Variants in ARHGEF37 observed in about 807,000 individuals in gnomAD.
ARHGEF37 encodes the protein Rho guanine nucleotide exchange factor (GEF) 37.
A neutral mutation model predicts 71.1 loss-of-function variants in ARHGEF37; 55 were observed. The observed-to-expected ratio is 0.77, with a 90% CI of 0.62 to 0.97. The LOEUF (loss-of-function observed/expected upper bound fraction) is 0.97, where lower values mean the gene tolerates loss of function less well. Among genes scored for constraint, ARHGEF37 ranks in the 50% least tolerant of loss-of-function variants. ARHGEF37 has a pLI of 0.00. For missense variants in ARHGEF37, 765 were observed against 836.8 expected (o/e 0.91, Z 1.06); for synonymous variants, 327 against 350.6 (o/e 0.93, Z 0.75).
Position 149,581,555 on chromosome 5 carries a change from C to T in ARHGEF37, c.-81C>T, listed in dbSNP as rs537591636. On this transcript the variant is annotated 5_prime_UTR_variant, in exon 1 of 13. Coordinates refer to ENST00000333677, the MANE Select transcript of ARHGEF37 (RefSeq NM_001001669.3). ...GGAGCTGGGCGACGCGCCCCTCCTG[C>T]CCCGGCTGCGCTGTTGCCCGGGCGG... 601 of 152,176 alleles carry T rather than the reference C, an allele frequency of 3.9e-3. 8 individuals carry two copies. The highest frequency in any genetic ancestry group is 0.013 in the African/African-American group (559 of 41,574). The allele number at this position is 152,176 out of a possible 1,614,324, so 9.4% of individuals were successfully genotyped here. A position where few individuals can be genotyped will look rare whatever the true frequency, so the allele number is the denominator to read the frequency against.
intron 8 of ARHGEF37, among the ~76,000 whole-genome samples, chr5:149,621,387 G>A (rs1478988216): frequency 6.6e-6 from 1 of 151,956 alleles, no homozygotes; most frequent in Non-Finnish European, 1.5e-5. Flanking sequence ...GCGGTGAGCT[G>A]TGATTGCATT....
intron 4 of ARHGEF37, among the ~76,000 whole-genome samples, chr5:149,611,366 G>C: frequency 1.3e-5 from 2 of 152,348 alleles, no homozygotes; most frequent in South Asian, 4.1e-4. Context: ...TGTGGCCAGA[G>C]CCTCTGCTTT....
At chr5:149,583,728 T>C (rs1014703035) in intron 1 of ARHGEF37, among the ~76,000 whole-genome samples, 1 of 152,224 alleles carries the variant, frequency 6.6e-6, no homozygotes, top group Non-Finnish European at 1.5e-5. Flanking sequence ...GTCCAAAGCC[T>C]ATTGCTTGTT....
At chr5:149,575,482 G>T (rs11949439) in intron 1 of ARHGEF37, among the ~76,000 whole-genome samples, 6,967 of 152,146 alleles carry the variant, frequency 0.046, 549 homozygotes, top group African/African-American at 0.16. Context: ...ATCCCTCTAG[G>T]CCAGTGATTG....
In ARHGEF37 at chr5:149,627,114, C is replaced by T; in HGVS notation, c.1503C>T (p.Leu501=). The T allele has an allele frequency of 4.3e-6, 7 of 1,614,130 alleles. No homozygotes were observed. Among genetic ancestry groups the T allele is most frequent in the Non-Finnish European group, 5.9e-6 (7 of 1,180,024 alleles). The change falls in exon 11 of 13, where the codon CTC becomes CTT. Residue 501 remains leucine, a synonymous_variant. Transcript: ENST00000333677. ...GGTCTGAACGCCAGGTGCAGGCTCT[C>T]CTGAGCAGGTATGGCCCTGGGAAGC... ...LPGSERQVQA[L]LSRYGPGKLY...
At chr5:149,606,382 G>T (rs554805332) in intron 3 of ARHGEF37, among the ~76,000 whole-genome samples, 9 of 152,110 alleles carry the variant, frequency 5.9e-5, no homozygotes, top group African/African-American at 2.2e-4. Context: ...CTGGGACTGC[G>T]ATCTCCCCAT....
intron 12 of ARHGEF37, among the ~76,000 whole-genome samples, chr5:149,629,215 G>GATTCATTC (rs34166602): frequency 0.015 from 2,230 of 151,328 alleles, 55 homozygotes; most frequent in African/African-American, 0.05. Flanking sequence ...GGGCAAGTGA[G>GATTCATTC]ATTCATTCAT....
In ARHGEF37 at chr5:149,627,262, G is replaced by C; in HGVS notation, c.1651G>C (p.Asp551His). The change falls in exon 11 of 13, where the codon GAC (aspartate) becomes CAC (histidine). Residue 551 changes from aspartate to histidine, a missense_variant. Physicochemically the swap from Asp to His is moderately conservative, Grantham distance 81. Transcript: ENST00000333677. ...TKGNSGRWLV[D>H]TGGHRGYVPA... is the part of the protein sequence containing the mutation. ...AGGCAACAGCGGCCGCTGGCTGGTGGACACCGGGGGTACGTGAGCCTTTGG... is the reference window on the plus strand; with the variant it reads ...AGGCAACAGCGGCCGCTGGCTGGTGCACACCGGGGGTACGTGAGCCTTTGG... The C allele has an allele frequency of 6.2e-7, 1 of 1,613,538 alleles. No homozygotes were observed. Among genetic ancestry groups the C allele is most frequent in the Non-Finnish European group, 8.5e-7 (1 of 1,179,910 alleles).
intron 1 of ARHGEF37, among the ~76,000 whole-genome samples, chr5:149,573,903 A>T (rs1762998611): frequency 6.6e-6 from 1 of 152,160 alleles, no homozygotes; most frequent in South Asian, 2.1e-4. Context: ...CCATTGTGTG[A>T]GATACTGGGA....
At chr5:149,554,356 T>C (rs1233033125) in intron 1 of ARHGEF37, among the ~76,000 whole-genome samples, 1 of 152,190 alleles carries the variant, frequency 6.6e-6, no homozygotes, top group Non-Finnish European at 1.5e-5. Flanking sequence ...AATGAATGAA[T>C]GATAGGTACT....
intron 1 of ARHGEF37, among the ~76,000 whole-genome samples, chr5:149,585,933 C>T (rs1039207125): frequency 2.6e-5 from 4 of 152,210 alleles, no homozygotes; most frequent in Admixed American, 1.3e-4. Context: ...ATCAGTCTAA[C>T]TCCAGTTGCA....
At chr5:149,588,195 C>T (rs571956590) in intron 1 of ARHGEF37, among the ~76,000 whole-genome samples, 1 of 134,602 alleles carries the variant, frequency 7.4e-6, no homozygotes, top group Admixed American at 8.2e-5. Flanking sequence ...CGGTGCCCGG[C>T]CTTTTTGTTT....
rs1034096837 is a variant in ARHGEF37, at chr5:149,634,956, T to A, written c.*2765T>A. On this transcript the variant is annotated 3_prime_UTR_variant, in exon 13 of 13. Transcript: ENST00000333677. ...TGTGAACTGCTGGGAATAAAGGACT[T>A]CAAAGATGGAAAGTCTCTGGAATTT... 11 of 152,282 alleles carry A rather than the reference T, an allele frequency of 7.2e-5. No homozygotes were observed. The highest frequency in any genetic ancestry group is 2.6e-4 in the African/African-American group (11 of 41,544). The allele number at this position is 152,282 out of a possible 1,614,324, so 9.4% of individuals were successfully genotyped here.
intron 1 of ARHGEF37, among the ~76,000 whole-genome samples, chr5:149,566,762 TTC>T (rs1481943569): frequency 6.6e-6 from 1 of 152,154 alleles, no homozygotes; most frequent in Admixed American, 6.5e-5. Flanking sequence ...GGTTATAGCT[TTC>T]TCTGTCAATC....
chr5:149,609,696 G>T lies in ARHGEF37; in HGVS notation c.458+1G>T. Reference sequence around the variant, plus strand: ...TCCAGGGCATCGTTGAGGCGGTGGTGTGAGTAGAACGGCCAGTGAGCACTC... The same window carrying T: ...TCCAGGGCATCGTTGAGGCGGTGGTTTGAGTAGAACGGCCAGTGAGCACTC... On this transcript the variant is annotated splice_donor_variant, in intron 4 of 12. Coordinates refer to ENST00000333677, the MANE Select transcript of ARHGEF37 (RefSeq NM_001001669.3). LOFTEE classifies it high-confidence loss of function. 1 of 1,612,270 alleles carries T rather than the reference G, an allele frequency of 6.2e-7. No homozygotes were observed. Among genetic ancestry groups the T allele is most frequent in the Non-Finnish European group, 8.5e-7 (1 of 1,180,006 alleles).
intron 1 of ARHGEF37, among the ~76,000 whole-genome samples, chr5:149,595,260 C>T (rs903049398): frequency 6.6e-6 from 1 of 152,202 alleles, no homozygotes. Context: ...ACTGCAACTT[C>T]TACCTCCTGG....
intron 1 of ARHGEF37, among the ~76,000 whole-genome samples, chr5:149,552,787 C>T (rs979410753): frequency 1.3e-5 from 2 of 151,716 alleles, no homozygotes; most frequent in Admixed American, 6.6e-5. Context: ...GACTAGATCA[C>T]GCCACTGTAC....
At chr5:149,596,726 G>A (rs1763558584) in intron 1 of ARHGEF37, among the ~76,000 whole-genome samples, 1 of 152,272 alleles carries the variant, frequency 6.6e-6, no homozygotes, top group Middle Eastern at 3.4e-3. Context: ...GAATGCTGGG[G>A]GATAGGAACA....
intron 12 of ARHGEF37, 120 bp from the exon 13 acceptor site, chr5:149,631,862 G>C (rs921775896): frequency 1.1e-6 from 1 of 938,674 alleles, no homozygotes; most frequent in Non-Finnish European, 1.6e-6. Flanking sequence ...GGGAGGTGAC[G>C]AGCATCCAGC....
Sources: gnomAD v4.1 joint callset for allele counts (sites outside exome capture counted in the v4.1 genomes callset) on GRCh38, gnomAD v4.1.1 for gene constraint, MANE v1.5 for transcripts, NCBI Gene and HGNC (gene_info 2026-07-23, HGNC 2026-07-21) for gene names.